MED1: variants seen among roughly 807,000 people sequenced by gnomAD.
MED1 encodes mediator complex subunit 1.
In MED1, 17 loss-of-function variants were observed where a neutral mutation model predicts 121.3. That is an observed-to-expected ratio of 0.14 (90% confidence interval 0.10 to 0.21). The LOEUF is 0.21. Among genes scored for constraint, MED1 ranks in the 10% least tolerant of loss-of-function variants. The pLI, the probability that MED1 is intolerant of heterozygous loss-of-function variation, is 1.00. For synonymous variants in MED1, 661 were observed against 694.4 expected, an observed-to-expected ratio of 0.95 and a Z score of 0.76; for missense variants, 1,558 against 1,919.4, an observed-to-expected ratio of 0.81 and a Z score of 3.52.
Position 39,407,761 on chromosome 17 carries a change from C to A in MED1, c.4460G>T (p.Arg1487Leu). 6.2e-7 allele frequency: 1 copy of A among 1,613,978 alleles called. No individual in the cohort carries two copies. The highest frequency in any genetic ancestry group is 1.1e-5 in the South Asian group (1 of 91,072). Reference sequence around the variant, plus strand: ...CTCTGTGCTGTATTCTGGAAGTGGTCGGATACCATCGTCTGAGCTGGGACT... The same window carrying A: ...CTCTGTGCTGTATTCTGGAAGTGGTAGGATACCATCGTCTGAGCTGGGACT... ...QNSPSSDDGIRPLPEYSTEKH... is the reference protein window; with the variant it reads ...QNSPSSDDGILPLPEYSTEKH... Residue 1487 changes from arginine to leucine, a missense_variant, in exon 17 of 17, where the codon CGA (arginine) becomes CTA (leucine). Physicochemically the swap from Arg to Leu is moderately radical, Grantham distance 102. Transcript: ENST00000300651.
intron 7 of MED1, among the ~76,000 whole-genome samples, chr17:39,434,034 T>G (rs1472765932): frequency 6.6e-6 from 1 of 152,194 alleles, no homozygotes; most frequent in African/African-American, 2.4e-5. Flanking sequence ...AAAGATTATA[T>G]TCTGTCTTCC....
At chr17:39,426,266 G>A (rs1442494055) in intron 10 of MED1, among the ~76,000 whole-genome samples, 1 of 152,092 alleles carries the variant, frequency 6.6e-6, no homozygotes, top group Non-Finnish European at 1.5e-5. Flanking sequence ...GGCCAACATA[G>A]TGAAACCCCA....
intron 9 of MED1, among the ~76,000 whole-genome samples, chr17:39,429,750 ACAAATATCTGG>A (rs1398485549): frequency 6.7e-6 from 1 of 149,216 alleles, no homozygotes; most frequent in East Asian, 2.0e-4. Flanking sequence ...CACAAAATAC[ACAAATATCTGG>A]CAATTTTCTC....
intron 2 of MED1, among the ~76,000 whole-genome samples, chr17:39,444,479 C>T (rs933312814): frequency 6.6e-6 from 1 of 151,182 alleles, no homozygotes; most frequent in Non-Finnish European, 1.5e-5. Flanking sequence ...TGCACTCCAG[C>T]CTGGCGACAG....
Position 39,407,051 on chromosome 17 carries a change from A to C in MED1, c.*424T>G. ...AACCTTCATGCAAATGCATCAAGGA[A>C]TGTATTGCTTTTTCATTTTCTGCCC... On this transcript the variant is annotated 3_prime_UTR_variant, in exon 17 of 17. Transcript: ENST00000300651. 1.0e-6 allele frequency: 1 copy of C among 988,462 alleles called. No homozygotes were observed. Among genetic ancestry groups the C allele is most frequent in the Non-Finnish European group, 1.2e-6 (1 of 831,718 alleles). 61.2% of individuals were successfully genotyped at this position (988,462 alleles called of 1,614,324 possible). A position where few individuals can be genotyped will look rare whatever the true frequency, so the allele number is the denominator to read the frequency against.
At chr17:39,415,393 G>C in intron 14 of MED1, 54 bp from the exon 15 acceptor site, 1 of 1,480,134 alleles carries the variant, frequency 6.8e-7, no homozygotes, top group Non-Finnish European at 9.3e-7. Flanking sequence ...CTTCACACAG[G>C]CTGGGCACGG....
intron 7 of MED1, 24 bp from the exon 8 acceptor site, chr17:39,432,040 T>C: frequency 6.4e-7 from 1 of 1,552,202 alleles, no homozygotes; most frequent in East Asian, 2.2e-5. Context: ...GAGAAGAACA[T>C]GAGTTAATAG....
chr17:39,435,248 T>A (rs2048607425), intron 6 of MED1, among the ~76,000 whole-genome samples: 1 of 151,850 alleles, frequency 6.6e-6, no homozygotes, highest in Non-Finnish European at 1.5e-5. Flanking sequence ...GGAAAACAAA[T>A]ACTAGGACAG....
At position 39,423,940 on chromosome 17, in the gene MED1, T is replaced by C. The variant is rs1053371683; in HGVS notation, c.852-119A>G. 1.2e-5 allele frequency: 15 copies of C among 1,210,452 alleles called. No homozygotes were observed. In the African/African-American group the frequency reaches 1.9e-4, roughly 15 times the overall value. The allele number at this position is 1,210,452 out of a possible 1,614,324, so 75.0% of individuals were successfully genotyped here. ...TCTTAATGCCCAGGCTAGAGTGCAA[T>C]GGCGTGATCTTGGCTCACTGCAACC... On this transcript the variant is annotated intron_variant, in intron 11 of 16. Transcript: ENST00000300651.
chr17:39,410,643 G>C lies in MED1; in HGVS notation c.1578C>G (p.Ser526=), dbSNP rs1331354648. 6.2e-7 allele frequency: 1 copy of C among 1,614,146 alleles called. No individual in the cohort carries two copies. Among genetic ancestry groups the C allele is most frequent in the Non-Finnish European group, 8.5e-7 (1 of 1,180,028 alleles). The part of the protein sequence containing the change: ...ETIQADTPAL[S]LIAETVEDMV... The stretch of plus-strand genomic sequence containing the variant: ...TGTCTTCAACTGTCTCTGCAATGAG[G>C]GACAGTGCTGGGGTGTCGGCTTGAA... Residue 526 remains serine, a synonymous_variant, in exon 17 of 17, where the codon TCC becomes TCG. Coordinates refer to ENST00000300651, the MANE Select transcript of MED1 (RefSeq NM_004774.4).
At chr17:39,448,851 G>A (rs1428263229) in intron 1 of MED1, among the ~76,000 whole-genome samples, 1 of 152,156 alleles carries the variant, frequency 6.6e-6, no homozygotes, top group African/African-American at 2.4e-5. Context: ...GGAGGTTGCA[G>A]TGAGCCCAGA....
In MED1 at chr17:39,405,266, G is replaced by A; in HGVS notation, c.*2209C>T. ...TGGGGGTGAGCCCATCGACAATTCAGGGGCTTATCCTTCATCCAGATCCTA... is the reference window on the plus strand; with the variant it reads ...TGGGGGTGAGCCCATCGACAATTCAAGGGCTTATCCTTCATCCAGATCCTA... On this transcript the variant is annotated 3_prime_UTR_variant, in exon 17 of 17. Coordinates refer to ENST00000300651, the MANE Select transcript of MED1 (RefSeq NM_004774.4). 1.2e-6 allele frequency: 2 copies of A among 1,603,596 alleles called. No individual in the cohort carries two copies. Among genetic ancestry groups the A allele is most frequent in the Non-Finnish European group, 1.7e-6 (2 of 1,175,578 alleles).
intron 14 of MED1, among the ~76,000 whole-genome samples, chr17:39,419,064 C>G (rs1289239446): frequency 6.6e-6 from 1 of 151,920 alleles, no homozygotes; most frequent in Non-Finnish European, 1.5e-5. Flanking sequence ...GGATTACAGG[C>G]ACAAACCACT....
chr17:39,409,332 T>A lies in MED1; in HGVS notation c.2889A>T (p.Leu963Phe). 1 of 1,614,076 alleles carries A rather than the reference T, an allele frequency of 6.2e-7. No homozygotes were observed. Among genetic ancestry groups the A allele is most frequent in the Non-Finnish European group, 8.5e-7 (1 of 1,180,000 alleles). ...SQGPLLTTGD[L>F]GKEKTQKRVK... ...CCCTCTTTTGAGTCTTTTCTTTCCC[T>A]AAGTCCCCAGTGGTCAGTAAAGGAC... Residue 963 changes from leucine to phenylalanine, a missense_variant, in exon 17 of 17, where the codon TTA (leucine) becomes TTT (phenylalanine). Leu to Phe is a conservative substitution (Grantham distance 22). This residue lies in a region of MED1 where 793 missense variants were observed against 898.2 expected (regional missense o/e 0.88). Coordinates refer to ENST00000300651, the MANE Select transcript of MED1 (RefSeq NM_004774.4).
In MED1 at chr17:39,410,686, C is replaced by T. The variant is rs779863875; in HGVS notation, c.1535G>A (p.Arg512Gln). Reference sequence around the variant, plus strand: ...GGCTTGAATGGTTTCAGCTTTCCTCCGAATAGCCCTCATCGTCACAGGGAT... The same window carrying T: ...GGCTTGAATGGTTTCAGCTTTCCTCTGAATAGCCCTCATCGTCACAGGGAT... ...MSIPVTMRAIRRKAETIQADT... is the reference protein window; with the variant it reads ...MSIPVTMRAIQRKAETIQADT... Residue 512 changes from arginine to glutamine, a missense_variant, in exon 17 of 17, where the codon CGG becomes CAG. Physicochemically the swap from Arg to Gln is conservative, Grantham distance 43. Coordinates refer to ENST00000300651, the MANE Select transcript of MED1 (RefSeq NM_004774.4). The T allele has an allele frequency of 5.0e-6, 8 of 1,612,904 alleles. No homozygotes were observed. The highest frequency in any genetic ancestry group is 1.3e-5 in the African/African-American group (1 of 74,972).
At chr17:39,443,261 A>G (rs1278854927) in intron 3 of MED1, among the ~76,000 whole-genome samples, 5 of 151,676 alleles carry the variant, frequency 3.3e-5, no homozygotes, top group Non-Finnish European at 7.4e-5. Context: ...CAGCCTCCCA[A>G]AGTGCTGGGA....
chr17:39,407,595 C>A lies in MED1; in HGVS notation c.4626G>T (p.Gln1542His). The A allele has an allele frequency of 3.1e-6, 5 of 1,614,148 alleles. No individual in the cohort carries two copies. The highest frequency in any genetic ancestry group is 4.2e-6 in the Non-Finnish European group (5 of 1,180,026). The stretch of plus-strand genomic sequence containing the variant: ...TTGTGTTACTTGTCATAGACAAGGA[C>A]TGGTCTGAAGAGATGGGTGATTTGG... ...SWSKSPISSD[Q>H]SLSMTSNTIL... is the part of the protein sequence containing the mutation. The change falls in exon 17 of 17, where the codon CAG becomes CAT. Residue 1542 changes from glutamine to histidine, a missense_variant. This residue lies in a region of MED1 where 264 missense variants were observed against 326.1 expected (regional missense o/e 0.81). Transcript: ENST00000300651.
At chr17:39,429,514 G>A (rs2048544962) in intron 9 of MED1, among the ~76,000 whole-genome samples, 1 of 151,396 alleles carries the variant, frequency 6.6e-6, no homozygotes, top group African/African-American at 2.4e-5. Context: ...TGGCCAACAT[G>A]GTGAAACCCT....
Position 39,434,170 on chromosome 17 carries a change from GCAAATT to G in MED1, c.500+73_500+78del, listed in dbSNP as rs1284665658. Reference sequence around the variant, plus strand: ...GGAGTGACAAACAGCAGAAGAGGTGGCAAATTTCTAGGCATAAGGTGGCTTATAGAT... The same window carrying G: ...GGAGTGACAAACAGCAGAAGAGGTGGTCTAGGCATAAGGTGGCTTATAGAT... On this transcript the variant is annotated intron_variant, in intron 7 of 16. Transcript: ENST00000300651. 9 of 931,130 alleles carry G rather than the reference GCAAATT, an allele frequency of 9.7e-6. No individual in the cohort carries two copies. In the African/African-American group the frequency reaches 1.2e-4, roughly 13 times the overall value. 57.7% of individuals were successfully genotyped at this position (931,130 alleles called of 1,614,324 possible). A position where few individuals can be genotyped will look rare whatever the true frequency, so the allele number is the denominator to read the frequency against.
Sources: gnomAD v4.1 joint callset for allele counts (sites outside exome capture counted in the v4.1 genomes callset) on GRCh38, gnomAD v4.1.1 for gene constraint, gnomAD v4.1.1 regional missense constraint, MANE v1.5 for transcripts, NCBI Gene and HGNC (gene_info 2026-07-23, HGNC 2026-07-21) for gene names.